ARMC8: variants seen among roughly 807,000 people sequenced by gnomAD.
ARMC8 encodes the protein armadillo repeat-containing protein 8.
In ARMC8, 20 loss-of-function variants were observed where a neutral mutation model predicts 99.3. The observed-to-expected ratio is 0.20, with a 90% CI of 0.14 to 0.29. ARMC8 has a LOEUF of 0.29. Among genes scored for constraint, ARMC8 ranks in the 10% least tolerant of loss-of-function variants. ARMC8 has a pLI of 1.00. For synonymous variants in ARMC8, 263 were observed against 278.3 expected (o/e 0.95, Z 0.55); for missense variants, 569 against 809.5 (o/e 0.70, Z 3.60).
At chr3:138,191,422 G>C (rs1375241771) in intron 1 of ARMC8, among the ~76,000 whole-genome samples, 1 of 152,184 alleles carries the variant, frequency 6.6e-6, no homozygotes, top group Admixed American at 6.5e-5. Context: ...AGATAGTACA[G>C]ACAGGTCCCT....
chr3:138,276,213 A>C (rs2049278256), intron 18 of ARMC8, among the ~76,000 whole-genome samples: 1 of 152,240 alleles, frequency 6.6e-6, no homozygotes, highest in African/African-American at 2.4e-5. Context: ...CAGTCGGCTC[A>C]CTAGCTAGAA....
In ARMC8 at chr3:138,298,336, T is replaced by C. The variant is rs376387269; in HGVS notation, c.*2444T>C. The C allele has an allele frequency of 1.2e-4, 18 of 152,382 alleles. No homozygotes were observed. In the South Asian group the frequency reaches 2.1e-3, roughly 18 times the overall value. 9.4% of individuals were successfully genotyped at this position (152,382 alleles called of 1,614,324 possible). ...TTCTTCTGGTAGTGTTTGGATAATA[T>C]GATTTTAACACATGCTAATAAAAGC... On this transcript the variant is annotated 3_prime_UTR_variant, in exon 22 of 22. Transcript: ENST00000469044.
intron 12 of ARMC8, chr3:138,261,874 A>G (rs946225766): frequency 3.9e-4 from 59 of 152,216 alleles, no homozygotes; most frequent in African/African-American, 1.4e-3. Context: ...TGTGTCCCCA[A>G]AATCAAGGTC....
chr3:138,292,804 GAGAA>G (rs2051093657), intron 21 of ARMC8, among the ~76,000 whole-genome samples: 1 of 152,160 alleles, frequency 6.6e-6, no homozygotes, highest in African/African-American at 2.4e-5. Context: ...AGTAAAAAGA[GAGAA>G]AGGAGGACTA....
intron 16 of ARMC8, among the ~76,000 whole-genome samples, chr3:138,270,448 A>G (rs1368526986): frequency 6.6e-6 from 1 of 152,226 alleles, no homozygotes; most frequent in East Asian, 1.9e-4. Context: ...CACCTACTTT[A>G]CAAAGCACTT....
rs1380099003 is a variant in ARMC8 at position 138,295,782 on chromosome 3, A to G, written c.1989-77A>G. The G allele has an allele frequency of 2.0e-6, 3 of 1,523,596 alleles. No individual in the cohort carries two copies. The African/African-American group carries it at 4.1e-5, about 21-fold the overall frequency. The allele number at this position is 1,523,596 out of a possible 1,614,324, so 94.4% of individuals were successfully genotyped here. On this transcript the variant is annotated intron_variant, in intron 21 of 21. Coordinates refer to ENST00000469044, the MANE Select transcript of ARMC8 (RefSeq NM_001363941.2). Reference sequence around the variant, plus strand: ...TTTACTTTTTTAGACTTCCCCAGCTATCATCATTGAACCATAGGGTTTTTT... The same window carrying G: ...TTTACTTTTTTAGACTTCCCCAGCTGTCATCATTGAACCATAGGGTTTTTT...
In ARMC8 at chr3:138,271,798, C is replaced by CTTTT. The variant is rs776320900; in HGVS notation, c.1480-1157_1480-1154dup. Among the ~76,000 whole-genome samples, 221 of 136,128 alleles carry CTTTT rather than the reference C, an allele frequency of 1.6e-3. 5 individuals carry two copies. Among genetic ancestry groups the CTTTT allele is most frequent in the African/African-American group, 6.0e-3 (210 of 35,286 alleles). 89.3% of individuals were successfully genotyped at this position (136,128 alleles called of 152,430 possible). On this transcript the variant is annotated intron_variant, in intron 16 of 21. Coordinates refer to ENST00000469044, the MANE Select transcript of ARMC8 (RefSeq NM_001363941.2). ...AGTTCACAAGATTTTTTTTTTCTTT[C>CTTTT]TTTTTTTTTTTTTTTGATACAGAGT...
intron 12 of ARMC8, among the ~76,000 whole-genome samples, chr3:138,247,452 C>A (rs752416212): frequency 6.6e-6 from 1 of 152,126 alleles, no homozygotes; most frequent in Non-Finnish European, 1.5e-5. Context: ...ACTTCTCCCC[C>A]TCAAAAACCA....
chr3:138,220,666 A>T (rs1338206633), intron 2 of ARMC8, among the ~76,000 whole-genome samples: 1 of 151,954 alleles, frequency 6.6e-6, no homozygotes, highest in Non-Finnish European at 1.5e-5. Context: ...TATGCTGACT[A>T]TAACATTTAT....
intron 11 of ARMC8, among the ~76,000 whole-genome samples, chr3:138,242,850 A>G (rs1218654590): frequency 6.6e-6 from 1 of 152,208 alleles, no homozygotes; most frequent in Non-Finnish European, 1.5e-5. Context: ...TATTAAGGGT[A>G]TATCTTTACT....
At chr3:138,214,941 C>T (rs139284153) in intron 2 of ARMC8, among the ~76,000 whole-genome samples, 1 of 152,174 alleles carries the variant, frequency 6.6e-6, no homozygotes, top group East Asian at 1.9e-4. Context: ...TTACTGTGCC[C>T]CGTCTTAATC....
rs1423535324 is a variant in ARMC8 at position 138,290,625 on chromosome 3, A to C, written c.1974A>C (p.Ser658=). The change falls in exon 21 of 22, where the codon TCA becomes TCC. Residue 658 remains serine (S), a synonymous_variant. Transcript: ENST00000469044. ...ILHKLSQSPD[S]NLCDKAKMAL... ...ACAAACTGAGTCAGTCACCAGATTC[A>C]AACCTTTGTGACAAGTGAGTATGAA... The C allele has an allele frequency of 6.2e-7, 1 of 1,601,480 alleles. No individual in the cohort carries two copies. The highest frequency in any genetic ancestry group is 1.3e-5 in the African/African-American group (1 of 74,820).
At chr3:138,201,839 T>A (rs2044105235) in intron 1 of ARMC8, among the ~76,000 whole-genome samples, 1 of 152,210 alleles carries the variant, frequency 6.6e-6, no homozygotes, top group East Asian at 1.9e-4. Flanking sequence ...TTTTCCATCT[T>A]GTCCCTAACT....
chr3:138,283,957 T>G (rs1474331461), intron 18 of ARMC8, among the ~76,000 whole-genome samples: 3 of 152,178 alleles, frequency 2.0e-5, no homozygotes, highest in Non-Finnish European at 4.4e-5. Flanking sequence ...CAGAAGGTCA[T>G]GAGCTTAGGA....
rs530909812 is a variant in ARMC8 at position 138,252,290 on chromosome 3, T to C, written c.1134+7107T>C. 7.9e-5 allele frequency among the ~76,000 whole-genome samples: 12 copies of C among 152,228 alleles called. No individual in the cohort carries two copies. In the South Asian group the frequency reaches 1.2e-3, roughly 16 times the overall value. ...GTAAAGTTATATTGCCGTACGACCTTGTTGGTTTATGTGTTGACTTTTGAC... is the reference window on the plus strand; with the variant it reads ...GTAAAGTTATATTGCCGTACGACCTCGTTGGTTTATGTGTTGACTTTTGAC... On this transcript the variant is annotated intron_variant, in intron 12 of 21. Coordinates refer to ENST00000469044, the MANE Select transcript of ARMC8 (RefSeq NM_001363941.2).
intron 10 of ARMC8, among the ~76,000 whole-genome samples, chr3:138,240,927 G>A (rs901147801): frequency 1.3e-5 from 2 of 152,288 alleles, no homozygotes; most frequent in African/African-American, 4.8e-5. Context: ...GTGGGTGCCT[G>A]TAATTCCAGC....
intron 14 of ARMC8, among the ~76,000 whole-genome samples, chr3:138,266,376 T>C (rs2108277884): frequency 6.6e-6 from 1 of 152,216 alleles, no homozygotes; most frequent in South Asian, 2.1e-4. Context: ...AAAGTTTATT[T>C]CAGGACCACC....
At chr3:138,286,157 G>T (rs2050389229) in intron 19 of ARMC8, among the ~76,000 whole-genome samples, 1 of 152,104 alleles carries the variant, frequency 6.6e-6, no homozygotes, top group African/African-American at 2.4e-5. Context: ...TGGCCAGGCT[G>T]GTCTCAAACT....
chr3:138,267,280 C>T, intron 15 of ARMC8, 39 bp downstream of exon 15: 3 of 1,251,966 alleles, frequency 2.4e-6, no homozygotes, highest in Non-Finnish European at 3.3e-6. Flanking sequence ...TTGCCCAGTC[C>T]AGCTAGAGCT....
Sources: allele counts gnomAD v4.1 joint callset (sites outside exome capture counted in the v4.1 genomes callset), GRCh38; gene constraint gnomAD v4.1.1; transcripts MANE v1.5; gene names NCBI Gene and HGNC (gene_info 2026-07-23, HGNC 2026-07-21).